SPIN1: variants seen among roughly 807,000 people sequenced by gnomAD.
SPIN1 encodes spindlin 1.
SPIN1 carries 3 observed loss-of-function variants against 26.0 expected under a neutral mutation model. The ratio of observed to expected loss-of-function variants is 0.12; its 90% CI spans 0.05 to 0.30. The LOEUF (loss-of-function observed/expected upper bound fraction) is 0.30, where lower values mean the gene tolerates loss of function less well. SPIN1 is among the 10% of genes least tolerant of loss of function. SPIN1 has a pLI of 1.00. For synonymous variants in SPIN1, 101 were observed against 116.5 expected (o/e 0.87, Z 0.86); for missense variants, 126 against 333.4 (o/e 0.38, Z 4.84).
intron 3 of SPIN1, among the ~76,000 whole-genome samples, chr9:88,450,127 G>A (rs1803504416): frequency 6.6e-6 from 1 of 152,150 alleles, no homozygotes; most frequent in Admixed American, 6.5e-5. Flanking sequence ...TTATCCATGT[G>A]CTCATCATCT....
intron 1 of SPIN1, among the ~76,000 whole-genome samples, chr9:88,417,220 T>A (rs1827584884): frequency 6.6e-6 from 1 of 152,252 alleles, no homozygotes; most frequent in African/African-American, 2.4e-5. Flanking sequence ...TGATAATTTA[T>A]GTAATCCCCA....
At chr9:88,399,770 C>T (rs564459068) in intron 1 of SPIN1, among the ~76,000 whole-genome samples, 1 of 152,168 alleles carries the variant, frequency 6.6e-6, no homozygotes, top group African/African-American at 2.4e-5. Flanking sequence ...AAAGGAAATT[C>T]TGGGGAATGT....
Position 88,478,319 on chromosome 9 carries a change from G to A in SPIN1, c.*3042G>A, listed in dbSNP as rs565410490. Reference sequence around the variant, plus strand: ...GCCTGAAAACACTCTTAAGCTGATTGTCTTAACAAAATGAAAGTTCTCCAA... The same window carrying A: ...GCCTGAAAACACTCTTAAGCTGATTATCTTAACAAAATGAAAGTTCTCCAA... On this transcript the variant is annotated 3_prime_UTR_variant, in exon 6 of 6. Coordinates refer to ENST00000375859, the MANE Select transcript of SPIN1 (RefSeq NM_006717.3). 2 of 152,730 alleles carry A rather than the reference G, an allele frequency of 1.3e-5. No homozygotes were observed. The highest frequency in any genetic ancestry group is 3.9e-4 in the East Asian group (2 of 5,194). 9.5% of individuals were successfully genotyped at this position (152,730 alleles called of 1,614,324 possible).
intron 1 of SPIN1, among the ~76,000 whole-genome samples, chr9:88,399,405 A>G (rs1827139863): frequency 6.6e-6 from 1 of 152,148 alleles, no homozygotes; most frequent in South Asian, 2.1e-4. Flanking sequence ...CAGTCATTTG[A>G]GAAAGGAAGA....
intron 1 of SPIN1, among the ~76,000 whole-genome samples, chr9:88,406,674 CG>C (rs1034955249): frequency 4.7e-4 from 72 of 152,240 alleles, no homozygotes; most frequent in Non-Finnish European, 1.3e-4. Flanking sequence ...AAGTAACTGA[CG>C]TTTAGTTTCA....
intron 2 of SPIN1, among the ~76,000 whole-genome samples, chr9:88,448,009 AT>A (rs2118128348): frequency 6.7e-6 from 1 of 149,802 alleles, no homozygotes; most frequent in Admixed American, 6.6e-5. Flanking sequence ...ACCATTTAGG[AT>A]TTTATGGCTA....
chr9:88,446,975 C>CT (rs1587804898), intron 2 of SPIN1, among the ~76,000 whole-genome samples: 1 of 152,150 alleles, frequency 6.6e-6, no homozygotes, highest in East Asian at 1.9e-4. Context: ...TTTATCACAT[C>CT]TGGACAACTT....
At chr9:88,428,813 AT>A (rs1827809845) in intron 2 of SPIN1, among the ~76,000 whole-genome samples, 1 of 152,134 alleles carries the variant, frequency 6.6e-6, no homozygotes, top group African/African-American at 2.4e-5. Context: ...CCGTGAGGTT[AT>A]TTTTTAATGT....
Position 88,427,706 on chromosome 9 carries a change from C to T in SPIN1, c.52+1115C>T, listed in dbSNP as rs550217437. ...CTGCCTCCTGGGTTCAAGCGGTTCT[C>T]CTGCCTTGGTCTCCCCAGTAGCTGG... On this transcript the variant is annotated intron_variant, in intron 2 of 5. Transcript: ENST00000375859. Among the ~76,000 whole-genome samples the T allele has an allele frequency of 2.0e-5, 3 of 152,076 alleles. No individual in the cohort carries two copies. The East Asian group carries it at 5.8e-4, about 29-fold the overall frequency.
At position 88,390,710 on chromosome 9, in the gene SPIN1, G is replaced by A. The variant is rs372639050; in HGVS notation, c.-159+2172G>A. Among the ~76,000 whole-genome samples, 159 of 152,296 alleles carry A rather than the reference G, an allele frequency of 1.0e-3. 2 individuals are homozygous for A. Among genetic ancestry groups the A allele is most frequent in the African/African-American group, 3.7e-3 (155 of 41,554 alleles). ...AAGTATTTTGTTCAGTTTAGAAGAT[G>A]TTATGGTATTGTGAAAACAATATTC... On this transcript the variant is annotated intron_variant, in intron 1 of 5. Coordinates refer to ENST00000375859, the MANE Select transcript of SPIN1 (RefSeq NM_006717.3).
intron 1 of SPIN1, among the ~76,000 whole-genome samples, chr9:88,404,295 C>T (rs1827249966): frequency 6.6e-6 from 1 of 152,122 alleles, no homozygotes; most frequent in African/African-American, 2.4e-5. Flanking sequence ...TACAGTTAGG[C>T]TACACTAAAT....
At chr9:88,419,714 C>T (rs962627391) in intron 1 of SPIN1, among the ~76,000 whole-genome samples, 7 of 152,108 alleles carry the variant, frequency 4.6e-5, no homozygotes, top group Non-Finnish European at 1.0e-4. Flanking sequence ...TCTTCACCTA[C>T]GTTAAAAAAT....
intron 5 of SPIN1, among the ~76,000 whole-genome samples, chr9:88,473,935 A>G (rs1324722587): frequency 6.6e-6 from 1 of 152,218 alleles, no homozygotes. Flanking sequence ...TATTTCTTTT[A>G]AAAGAATTGA....
At chr9:88,413,417 T>C (rs1450201514) in intron 1 of SPIN1, among the ~76,000 whole-genome samples, 1 of 151,680 alleles carries the variant, frequency 6.6e-6, no homozygotes, top group Non-Finnish European at 1.5e-5. Context: ...GCAGTCTCCC[T>C]GTATCGCCCA....
At chr9:88,429,875 A>G (rs1827832162) in intron 2 of SPIN1, among the ~76,000 whole-genome samples, 1 of 152,190 alleles carries the variant, frequency 6.6e-6, no homozygotes, top group South Asian at 2.1e-4. Flanking sequence ...ATTAGCATAC[A>G]GAAGACACTT....
At position 88,473,342 on chromosome 9, in the gene SPIN1, G is replaced by A. The variant is rs574691175; in HGVS notation, c.590-1736G>A. 1.3e-4 allele frequency among the ~76,000 whole-genome samples: 18 copies of A among 140,300 alleles called. 1 individual carries two copies. The highest frequency in any genetic ancestry group is 9.4e-4 in the Admixed American group (14 of 14,834). 92.0% of individuals were successfully genotyped at this position (140,300 alleles called of 152,430 possible). ...CGGGAGGCAGAAGTTGCAGCGAGTC[G>A]AGATTGCACCACTGCACTCCAGCCT... On this transcript the variant is annotated intron_variant, in intron 5 of 5. Transcript: ENST00000375859.
At chr9:88,457,608 T>A (rs1246375379) in intron 3 of SPIN1, among the ~76,000 whole-genome samples, 1 of 152,100 alleles carries the variant, frequency 6.6e-6, no homozygotes, top group East Asian at 1.9e-4. Context: ...TGGCTTCTAT[T>A]GTCTGTAATT....
intron 2 of SPIN1, among the ~76,000 whole-genome samples, chr9:88,433,314 C>A (rs991232978): frequency 2.6e-5 from 4 of 152,138 alleles, no homozygotes; most frequent in African/African-American, 9.7e-5. Flanking sequence ...AACTCATGAG[C>A]TCAAGTGATC....
At chr9:88,397,835 A>C (rs1827098901) in intron 1 of SPIN1, among the ~76,000 whole-genome samples, 1 of 150,484 alleles carries the variant, frequency 6.6e-6, no homozygotes, top group African/African-American at 2.4e-5. Context: ...TGTTGGCCAG[A>C]CTGGTCGCCA....
Sources: allele counts gnomAD v4.1 joint callset (sites outside exome capture counted in the v4.1 genomes callset), GRCh38; gene constraint gnomAD v4.1.1; transcripts MANE v1.5; gene names NCBI Gene and HGNC (gene_info 2026-07-23, HGNC 2026-07-21).